HLCS: variants seen among roughly 807,000 people sequenced by gnomAD.
The protein encoded by HLCS is biotin--protein ligase.
Under a neutral mutation model 75.0 loss-of-function variants are expected in HLCS, and 53 were observed. The ratio of observed to expected loss-of-function variants is 0.71; its 90% CI spans 0.57 to 0.89. HLCS has a LOEUF of 0.89. HLCS is among the 40% of genes least tolerant of loss of function. The pLI, the probability that HLCS is intolerant of heterozygous loss-of-function variation, is 0.00. For missense variants in HLCS, 966 were observed against 1,074.0 expected (o/e 0.90, Z 1.41); for synonymous variants, 431 against 428.6 (o/e 1.01, Z -0.07).
chr21:36,943,950 AAACTT>A (rs1165192577), intron 2 of HLCS: 1 of 152,160 alleles, frequency 6.6e-6, no homozygotes. Flanking sequence ...CATTCCAACT[AAACTT>A]AGGCCCCAGT....
At chr21:36,918,498 T>A (rs1373772451) in intron 5 of HLCS, among the ~76,000 whole-genome samples, 1 of 152,234 alleles carries the variant, frequency 6.6e-6, no homozygotes, top group African/African-American at 2.4e-5. Flanking sequence ...GCTGAGCAGC[T>A]GCTCTCATCA....
rs1569122668 is a variant in HLCS at position 36,868,295 on chromosome 21, A to AAAGAAAGAAAGAAAGAAAG, written c.1892+28564_1892+28565insCTTTCTTTCTTTCTTTCTT. 4.8e-3 allele frequency among the ~76,000 whole-genome samples: 497 copies of AAAGAAAGAAAGAAAGAAAG among 103,808 alleles called. 9 individuals carry two copies. Among genetic ancestry groups the AAAGAAAGAAAGAAAGAAAG allele is most frequent in the African/African-American group, 0.023 (471 of 20,582 alleles). 68.1% of individuals were successfully genotyped at this position (103,808 alleles called of 152,430 possible). On this transcript the variant is annotated intron_variant, in intron 6 of 10. Transcript: ENST00000674895. ...GGAAGGAAAGAAAGAAAGAAAGAAA[A>AAAGAAAGAAAGAAAGAAAG]AGAAAAACAGTAAGACCCCTTCTAT...
At chr21:36,900,769 A>G (rs1343666488) in intron 5 of HLCS, among the ~76,000 whole-genome samples, 1 of 152,216 alleles carries the variant, frequency 6.6e-6, no homozygotes, top group African/African-American at 2.4e-5. Context: ...TAGACTCTGA[A>G]GTACAGGCTA....
chr21:36,950,192 A>T (rs1238657166), intron 2 of HLCS, among the ~76,000 whole-genome samples: 1 of 151,718 alleles, frequency 6.6e-6, no homozygotes, highest in Non-Finnish European at 1.5e-5. Context: ...AAAAAAAAAT[A>T]GTTTTAGCCT....
intron 4 of HLCS, among the ~76,000 whole-genome samples, chr21:36,935,640 AGTGAAT>A (rs903818404): frequency 3.9e-5 from 6 of 152,246 alleles, no homozygotes; most frequent in Admixed American, 1.3e-4. Context: ...CTTTAGGGCA[AGTGAAT>A]GTTCATCTAA....
At chr21:36,855,612 G>A (rs371334599) in intron 6 of HLCS, among the ~76,000 whole-genome samples, 5 of 150,484 alleles carry the variant, frequency 3.3e-5, no homozygotes, top group East Asian at 1.9e-4. Flanking sequence ...ACAGGATCTC[G>A]CTCTATTGTC....
intron 4 of HLCS, among the ~76,000 whole-genome samples, chr21:36,931,698 A>G (rs1342496413): frequency 6.6e-6 from 1 of 151,886 alleles, no homozygotes; most frequent in Non-Finnish European, 1.5e-5. Context: ...GCAGTCAGCC[A>G]TGATCGTGCC....
intron 6 of HLCS, among the ~76,000 whole-genome samples, chr21:36,784,090 G>C (rs1381811728): frequency 2.6e-5 from 4 of 152,108 alleles, no homozygotes; most frequent in African/African-American, 9.7e-5. Context: ...CTTGGTATGA[G>C]CCATGTTCTC....
chr21:36,772,638 CAAAA>C (rs34788426), intron 6 of HLCS, among the ~76,000 whole-genome samples: 3 of 80,870 alleles, frequency 3.7e-5, no homozygotes, highest in Non-Finnish European at 2.4e-5. Context: ...GACACTGTCT[CAAAA>C]AAAAAAAAAA....
chr21:36,935,920 A>G (rs190082228), intron 4 of HLCS, among the ~76,000 whole-genome samples: 1 of 151,996 alleles, frequency 6.6e-6, no homozygotes, highest in Non-Finnish European at 1.5e-5. Flanking sequence ...TCTTTTCAGC[A>G]CTTGGAAGAG....
intron 6 of HLCS, among the ~76,000 whole-genome samples, chr21:36,807,405 G>T (rs1161299333): frequency 2.0e-5 from 3 of 152,346 alleles, no homozygotes; most frequent in African/African-American, 7.2e-5. Context: ...ACAAAAGCGA[G>T]AGCATCTCCA....
At chr21:36,965,746 T>C (rs1408621085) in intron 1 of HLCS, among the ~76,000 whole-genome samples, 7 of 151,108 alleles carry the variant, frequency 4.6e-5, no homozygotes, top group Middle Eastern at 6.8e-3. Flanking sequence ...TTTTTTTTTT[T>C]CTTAAGACAG....
chr21:36,959,787 C>T (rs2068180573), intron 2 of HLCS, among the ~76,000 whole-genome samples: 1 of 152,222 alleles, frequency 6.6e-6, no homozygotes, highest in South Asian at 2.1e-4. Flanking sequence ...CTCTGCCTTG[C>T]TCACCCTCCA....
intron 2 of HLCS, among the ~76,000 whole-genome samples, chr21:36,954,653 C>G (rs960689698): frequency 2.0e-5 from 3 of 152,136 alleles, no homozygotes; most frequent in Non-Finnish European, 1.5e-5. Context: ...CAATTACATA[C>G]AGTACACAGT....
In HLCS at chr21:36,915,468, G is replaced by T. The variant is rs369490707; in HGVS notation, c.1620+14783C>A. On this transcript the variant is annotated intron_variant, in intron 5 of 10. Transcript: ENST00000674895. The stretch of plus-strand genomic sequence containing the variant: ...AACTGGCTGTCACCATGACACTTGG[G>T]AACATTCAGAGAATCCCAGGGAATA... Among the ~76,000 whole-genome samples, 19 of 152,254 alleles carry T rather than the reference G, an allele frequency of 1.2e-4. No homozygotes were observed. The East Asian group carries it at 3.3e-3, about 26-fold the overall frequency.
At chr21:36,911,246 G>A (rs765861882) in intron 5 of HLCS, among the ~76,000 whole-genome samples, 6 of 152,064 alleles carry the variant, frequency 3.9e-5, no homozygotes, top group Non-Finnish European at 7.4e-5. Flanking sequence ...TGCACTCTGC[G>A]CTGCCTCTCC....
intron 6 of HLCS, among the ~76,000 whole-genome samples, chr21:36,820,119 A>G (rs993693816): frequency 1.6e-4 from 24 of 152,166 alleles, no homozygotes; most frequent in Non-Finnish European, 2.1e-4. Flanking sequence ...GTCCTTGGCC[A>G]TCGGGAATGA....
chr21:36,967,161 T>A (rs1168625685), upstream of HLCS, among the ~76,000 whole-genome samples: 1 of 152,100 alleles, frequency 6.6e-6, no homozygotes, highest in African/African-American at 2.4e-5. Flanking sequence ...AAGGCCAACC[T>A]TTACTAACCA....
chr21:36,939,831 C>T (rs924511337), intron 2 of HLCS, among the ~76,000 whole-genome samples: 5 of 152,158 alleles, frequency 3.3e-5, no homozygotes, highest in African/African-American at 1.2e-4. Context: ...TGTCTGTCCT[C>T]GGGCAAGCTT....
Sources: allele counts gnomAD v4.1 joint callset (sites outside exome capture counted in the v4.1 genomes callset), GRCh38; gene constraint gnomAD v4.1.1; transcripts MANE v1.5; gene names NCBI Gene and HGNC (gene_info 2026-07-23, HGNC 2026-07-21).